The following SCN11A variants were observed in gnomAD, a reference collection of about 807,000 sequenced individuals.
SCN11A encodes the protein sodium voltage-gated channel alpha subunit 11.
SCN11A carries 122 observed loss-of-function variants against 162.2 expected under a neutral mutation model. The ratio of observed to expected loss-of-function variants is 0.75; its 90% CI spans 0.65 to 0.87. The LOEUF is 0.87. Among genes scored for constraint, SCN11A ranks in the 40% least tolerant of loss-of-function variants. SCN11A has a pLI of 0.00. For synonymous variants in SCN11A, 758 were observed against 751.5 expected (o/e 1.01, Z -0.14); for missense variants, 2,015 against 2,181.6 (o/e 0.92, Z 1.52).
chr3:39,010,309 T>A (rs1345137382), intron 2 of SCN11A, among the ~76,000 whole-genome samples: 2 of 152,080 alleles, frequency 1.3e-5, no homozygotes. Flanking sequence ...ACTCTAATTA[T>A]GTATAATTTT....
intron 7 of SCN11A, among the ~76,000 whole-genome samples, chr3:38,929,230 G>A (rs1027109680): frequency 2.0e-5 from 3 of 151,578 alleles, no homozygotes; most frequent in African/African-American, 7.3e-5. Context: ...AGAGTAAAAT[G>A]TGGTATATAC....
Position 38,863,899 on chromosome 3 carries a change from T to C in SCN11A, c.3952-600A>G, listed in dbSNP as rs986276547. 3.9e-5 allele frequency among the ~76,000 whole-genome samples: 6 copies of C among 152,074 alleles called. No homozygotes were observed. The South Asian group carries it at 8.3e-4, about 21-fold the overall frequency. On this transcript the variant is annotated intron_variant, in intron 27 of 29. Coordinates refer to ENST00000302328, the MANE Select transcript of SCN11A (RefSeq NM_001349253.2). ...ATTCTTTTAAAATGTAAAGCTGAACTGGCATAAAAGTAAGAAAAAAATTGG... is the reference window on the plus strand; with the variant it reads ...ATTCTTTTAAAATGTAAAGCTGAACCGGCATAAAAGTAAGAAAAAAATTGG...
intron 2 of SCN11A, among the ~76,000 whole-genome samples, chr3:38,992,306 A>G (rs1223885460): frequency 6.6e-6 from 1 of 152,250 alleles, no homozygotes; most frequent in African/African-American, 2.4e-5. Context: ...CAGTCTATCC[A>G]GGATTGGCTA....
intron 1 of SCN11A, among the ~76,000 whole-genome samples, chr3:39,033,153 GA>G (rs34925838): frequency 0.056 from 7,529 of 133,698 alleles, 254 homozygotes; most frequent in East Asian, 0.18. Context: ...GTTGCATCTT[GA>G]AAAAAAAAAA....
intron 2 of SCN11A, among the ~76,000 whole-genome samples, chr3:38,987,105 C>T (rs992415588): frequency 1.3e-5 from 2 of 152,030 alleles, no homozygotes; most frequent in Non-Finnish European, 1.5e-5. Flanking sequence ...GTGACTAATG[C>T]GCAGTAAAAG....
intron 27 of SCN11A, among the ~76,000 whole-genome samples, chr3:38,864,775 C>A (rs1408844994): frequency 6.6e-6 from 1 of 152,124 alleles, no homozygotes; most frequent in Non-Finnish European, 1.5e-5. Context: ...AAACTTGGAA[C>A]ATCGTGGCAT....
intron 11 of SCN11A, among the ~76,000 whole-genome samples, chr3:38,917,667 G>A (rs1212300139): frequency 1.3e-5 from 2 of 152,254 alleles, no homozygotes; most frequent in Admixed American, 1.3e-4. Context: ...CCTATTGGAT[G>A]GTGGAGGTTG....
At chr3:39,025,682 GCCT>G (rs2031571653) in intron 2 of SCN11A, among the ~76,000 whole-genome samples, 1 of 152,100 alleles carries the variant, frequency 6.6e-6, no homozygotes, top group Non-Finnish European at 1.5e-5. Context: ...CACTTTCATC[GCCT>G]CCTTAGTTTT....
rs185529676 is a variant in SCN11A at position 38,851,016 on chromosome 3, A to T, written c.4057-265T>A. Among the ~76,000 whole-genome samples, 436 of 152,336 alleles carry T rather than the reference A, an allele frequency of 2.9e-3. 2 individuals carry two copies. Among genetic ancestry groups the T allele is most frequent in the African/African-American group, 0.01 (427 of 41,590 alleles). ...CATTTTAAAACAAAAAATATTAAAA[A>T]GTCTTAGTAACAACATAACTTTGAT... On this transcript the variant is annotated intron_variant, in intron 28 of 29. Transcript: ENST00000302328.
At chr3:39,012,158 T>G (rs182663289) in intron 2 of SCN11A, among the ~76,000 whole-genome samples, 1 of 152,090 alleles carries the variant, frequency 6.6e-6, no homozygotes, top group Non-Finnish European at 1.5e-5. Flanking sequence ...AAACCCCTTC[T>G]CTACTAAAAA....
At chr3:38,963,150 A>G (rs1307028322) in intron 2 of SCN11A, among the ~76,000 whole-genome samples, 1 of 150,868 alleles carries the variant, frequency 6.6e-6, no homozygotes, top group African/African-American at 2.4e-5. Flanking sequence ...GAAATTCCTT[A>G]AAGAACTAAA....
chr3:39,012,647 A>T (rs2031180160), intron 2 of SCN11A, among the ~76,000 whole-genome samples: 1 of 151,938 alleles, frequency 6.6e-6, no homozygotes, highest in Non-Finnish European at 1.5e-5. Context: ...TACCCAGCTA[A>T]TTTTTGTATT....
At chr3:39,009,154 T>C (rs901642534) in intron 2 of SCN11A, among the ~76,000 whole-genome samples, 1 of 152,070 alleles carries the variant, frequency 6.6e-6, no homozygotes, top group African/African-American at 2.4e-5. Context: ...AGCCAAACAT[T>C]AAAGAGATTT....
At chr3:38,903,258 C>G (rs987740440) in intron 16 of SCN11A, among the ~76,000 whole-genome samples, 1 of 152,070 alleles carries the variant, frequency 6.6e-6, no homozygotes, top group Admixed American at 6.6e-5. Context: ...CCACAAGAAC[C>G]ATAAACTGAA....
At chr3:38,932,814 C>T (rs1180391565) in intron 7 of SCN11A, among the ~76,000 whole-genome samples, 1 of 152,246 alleles carries the variant, frequency 6.6e-6, no homozygotes, top group Non-Finnish European at 1.5e-5. Flanking sequence ...AACAAAAAGA[C>T]AGCAGTAACC....
chr3:39,031,996 A>C (rs1014152365), intron 2 of SCN11A, among the ~76,000 whole-genome samples: 4 of 151,362 alleles, frequency 2.6e-5, no homozygotes, highest in Non-Finnish European at 5.9e-5. Context: ...AAAAACAAAC[A>C]AAAAAAAACC....
intron 2 of SCN11A, among the ~76,000 whole-genome samples, chr3:38,971,453 G>C (rs935549870): frequency 7.2e-5 from 11 of 152,112 alleles, no homozygotes; most frequent in Non-Finnish European, 5.9e-5. Flanking sequence ...TACTAACTGA[G>C]CACTGGCCTG....
intron 2 of SCN11A, among the ~76,000 whole-genome samples, chr3:38,996,444 C>T (rs1006267590): frequency 2.6e-5 from 4 of 152,128 alleles, no homozygotes; most frequent in Non-Finnish European, 4.4e-5. Context: ...GCCTCATTTG[C>T]AGGAATCCCA....
At chr3:38,977,447 A>G (rs1192137253) in intron 2 of SCN11A, among the ~76,000 whole-genome samples, 1 of 152,212 alleles carries the variant, frequency 6.6e-6, no homozygotes, top group African/African-American at 2.4e-5. Context: ...TGTAGATGGT[A>G]GTAATTTGTA....
Sources: allele counts gnomAD v4.1 joint callset (sites outside exome capture counted in the v4.1 genomes callset), GRCh38; gene constraint gnomAD v4.1.1; transcripts MANE v1.5; gene names NCBI Gene and HGNC (gene_info 2026-07-23, HGNC 2026-07-21).